The following NCMAP variants were observed in gnomAD, a reference collection of about 807,000 sequenced individuals.
The protein encoded by NCMAP is non-compact myelin associated protein.
In NCMAP, 8 loss-of-function variants were observed where a neutral mutation model predicts 7.8. That is an observed-to-expected ratio of 1.02 (90% CI 0.60 to 1.84). The LOEUF (loss-of-function observed/expected upper bound fraction) is 1.84, where lower values mean the gene tolerates loss of function less well. NCMAP is among the 40% of genes most tolerant of loss of function. NCMAP has a pLI of 0.00. For missense variants in NCMAP, 112 were observed against 131.4 expected, an observed-to-expected ratio of 0.85 and a Z score of 0.72; for synonymous variants, 41 against 52.9, an observed-to-expected ratio of 0.78 and a Z score of 0.98.
chr1:24,594,621 C>T (rs1652156821), intron 1 of NCMAP, among the ~76,000 whole-genome samples: 1 of 152,242 alleles, frequency 6.6e-6, no homozygotes, highest in Non-Finnish European at 1.5e-5. Flanking sequence ...TGTTCTCTTT[C>T]CCCTTACGCC....
rs181473862 is a variant in NCMAP at position 24,577,187 on chromosome 1, A to G, written c.-7-18237A>G. ...AAAATAAAAAGGATGTCACATGCTA[A>G]AATTATAGAGCACTAGATTTCCTAG... On this transcript the variant is annotated intron_variant, in intron 1 of 3. Transcript: ENST00000374392. Among the ~76,000 whole-genome samples the G allele has an allele frequency of 6.6e-5, 10 of 152,244 alleles. No individual in the cohort carries two copies. The East Asian group carries it at 9.6e-4, about 15-fold the overall frequency.
intron 3 of NCMAP, among the ~76,000 whole-genome samples, chr1:24,603,841 A>G (rs1261257989): frequency 6.6e-6 from 1 of 152,246 alleles, no homozygotes; most frequent in East Asian, 1.9e-4. Flanking sequence ...GTAATTAGTC[A>G]ATTGTTCTGT....
chr1:24,602,901 A>G (rs1399710063), intron 3 of NCMAP, among the ~76,000 whole-genome samples: 1 of 150,102 alleles, frequency 6.7e-6, no homozygotes, highest in African/African-American at 2.5e-5. Flanking sequence ...TCAGCTGGGC[A>G]TGGTGGCGGG....
At chr1:24,594,048 T>C (rs906761377) in intron 1 of NCMAP, among the ~76,000 whole-genome samples, 1 of 148,340 alleles carries the variant, frequency 6.7e-6, no homozygotes, top group Non-Finnish European at 1.5e-5. Context: ...CCCACCACCA[T>C]GCCTGGCTAA....
At chr1:24,575,370 A>G (rs1651524503) in intron 1 of NCMAP, among the ~76,000 whole-genome samples, 1 of 152,130 alleles carries the variant, frequency 6.6e-6, no homozygotes, top group Non-Finnish European at 1.5e-5. Context: ...CAGAAGTCAT[A>G]ATGCACCCGA....
At chr1:24,565,384 G>A (rs922521616) in intron 1 of NCMAP, among the ~76,000 whole-genome samples, 6 of 141,722 alleles carry the variant, frequency 4.2e-5, no homozygotes, top group Non-Finnish European at 9.0e-5. Flanking sequence ...CAGAGTCTGG[G>A]TACCAATGTC....
chr1:24,556,541 T>C (rs1650901507), intron 1 of NCMAP, among the ~76,000 whole-genome samples: 1 of 152,220 alleles, frequency 6.6e-6, no homozygotes, highest in African/African-American at 2.4e-5. Flanking sequence ...TGGGGCCTTA[T>C]CCGCCCCATC....
intron 1 of NCMAP, among the ~76,000 whole-genome samples, chr1:24,582,579 G>A (rs1651775626): frequency 6.6e-6 from 1 of 152,128 alleles, no homozygotes; most frequent in Non-Finnish European, 1.5e-5. Flanking sequence ...CTGCTGGTCT[G>A]AAGATGGAGG....
intron 1 of NCMAP, among the ~76,000 whole-genome samples, chr1:24,560,958 C>T (rs1274343948): frequency 1.3e-5 from 2 of 151,984 alleles, no homozygotes; most frequent in East Asian, 3.9e-4. Context: ...TATTATTGTT[C>T]CATGGTGCCC....
chr1:24,578,551 T>C, intron 1 of NCMAP, among the ~76,000 whole-genome samples: 1 of 141,216 alleles, frequency 7.1e-6, no homozygotes, highest in East Asian at 2.0e-4. Context: ...GTTTTCTTTT[T>C]CTTTCTTTCT....
At chr1:24,578,039 G>T (rs1272231456) in intron 1 of NCMAP, among the ~76,000 whole-genome samples, 1 of 151,976 alleles carries the variant, frequency 6.6e-6, no homozygotes, top group Admixed American at 6.6e-5. Context: ...GAGGCGGGTG[G>T]ATCACTTGAG....
intron 1 of NCMAP, among the ~76,000 whole-genome samples, chr1:24,590,668 A>G (rs1034936729): frequency 3.3e-5 from 5 of 152,110 alleles, no homozygotes; most frequent in African/African-American, 1.2e-4. Flanking sequence ...TGGTGCCATC[A>G]TGGCTCACTG....
chr1:24,588,612 T>G (rs1651955890), intron 1 of NCMAP, among the ~76,000 whole-genome samples: 1 of 152,190 alleles, frequency 6.6e-6, no homozygotes, highest in East Asian at 1.9e-4. Context: ...GCTCTTAGAC[T>G]TGGCCAAGAG....
chr1:24,596,562 G>A (rs1382584300), intron 2 of NCMAP, among the ~76,000 whole-genome samples: 2 of 151,974 alleles, frequency 1.3e-5, no homozygotes, highest in African/African-American at 4.8e-5. Context: ...GACGCTCCTG[G>A]AGTCCCAGCT....
At chr1:24,557,964 G>A (rs1021699557) in intron 1 of NCMAP, among the ~76,000 whole-genome samples, 9 of 152,204 alleles carry the variant, frequency 5.9e-5, no homozygotes, top group Non-Finnish European at 5.9e-5. Context: ...AGCACCATGT[G>A]GACTATGGCC....
intron 1 of NCMAP, among the ~76,000 whole-genome samples, chr1:24,595,175 G>A (rs1055675184): frequency 6.6e-6 from 1 of 152,132 alleles, no homozygotes; most frequent in Non-Finnish European, 1.5e-5. Context: ...GATATTTGAA[G>A]GAGTTGAGTA....
chr1:24,598,734 C>A (rs1367668253), intron 2 of NCMAP, among the ~76,000 whole-genome samples: 1 of 151,480 alleles, frequency 6.6e-6, no homozygotes, highest in African/African-American at 2.4e-5. Flanking sequence ...ACTTCCCGGG[C>A]TCAAGCGATT....
intron 1 of NCMAP, among the ~76,000 whole-genome samples, chr1:24,584,321 G>A (rs552996535): frequency 3.3e-5 from 5 of 152,300 alleles, no homozygotes; most frequent in African/African-American, 9.6e-5. Context: ...TCCTCCCACC[G>A]ACTTCTGGCA....
intron 1 of NCMAP, among the ~76,000 whole-genome samples, chr1:24,580,556 T>A (rs375712214): frequency 1.3e-5 from 2 of 152,190 alleles, no homozygotes; most frequent in Admixed American, 6.5e-5. Flanking sequence ...GTTCAAGCGA[T>A]TCTCCTGCCT....
Sources: allele counts gnomAD v4.1 joint callset (sites outside exome capture counted in the v4.1 genomes callset), GRCh38; gene constraint gnomAD v4.1.1; transcripts MANE v1.5; gene names NCBI Gene and HGNC (gene_info 2026-07-23, HGNC 2026-07-21).